The following SLC4A10 variants were observed in gnomAD, a reference collection of about 807,000 sequenced individuals.
SLC4A10 encodes sodium-driven chloride bicarbonate exchanger.
Under a neutral mutation model 137.7 loss-of-function variants are expected in SLC4A10, and 42 were observed. The observed-to-expected ratio is 0.30, with a 90% CI of 0.24 to 0.39. The LOEUF is 0.39. Ranked by LOEUF, SLC4A10 falls within the 10% of genes least tolerant of loss-of-function variation. SLC4A10 has a pLI of 1.00. For missense variants in SLC4A10, 925 were observed against 1,355.0 expected (o/e 0.68, Z 4.98); for synonymous variants, 474 against 464.1 (o/e 1.02, Z -0.27).
At chr2:161,696,247 C>CT (rs1167808019) in intron 1 of SLC4A10, among the ~76,000 whole-genome samples, 1 of 151,514 alleles carries the variant, frequency 6.6e-6, no homozygotes, top group Non-Finnish European at 1.5e-5. Context: ...AGAACTCATC[C>CT]TTTTTTATGG....
At chr2:161,803,169 T>G (rs922730143) in intron 2 of SLC4A10, among the ~76,000 whole-genome samples, 31 of 152,278 alleles carry the variant, frequency 2.0e-4, no homozygotes, top group African/African-American at 7.2e-4. Context: ...CTCATAAATT[T>G]TTCTGTAGCT....
chr2:161,753,855 G>GTTGT (rs1553525342), intron 1 of SLC4A10, among the ~76,000 whole-genome samples: 1 of 134,750 alleles, frequency 7.4e-6, no homozygotes, highest in African/African-American at 2.8e-5. Context: ...AATAACTCGA[G>GTTGT]TTATTTATTT....
At chr2:161,955,741 C>A (rs1695545396) in intron 19 of SLC4A10, among the ~76,000 whole-genome samples, 1 of 152,198 alleles carries the variant, frequency 6.6e-6, no homozygotes, top group South Asian at 2.1e-4. Flanking sequence ...GTGTTTCACA[C>A]TCCAGGCTAT....
chr2:161,901,338 T>C (rs370185359), intron 12 of SLC4A10, among the ~76,000 whole-genome samples: 11 of 152,276 alleles, frequency 7.2e-5, no homozygotes, highest in African/African-American at 2.4e-4. Context: ...AAGTTGAAGA[T>C]AGAAATAAAA....
At chr2:161,695,464 A>T (rs189984546) in intron 1 of SLC4A10, among the ~76,000 whole-genome samples, 12 of 152,218 alleles carry the variant, frequency 7.9e-5, no homozygotes, top group African/African-American at 1.2e-4. Flanking sequence ...GATTTTAGAG[A>T]TAAATTCTCC....
chr2:161,947,067 A>G (rs1693948523), intron 16 of SLC4A10, among the ~76,000 whole-genome samples: 1 of 152,132 alleles, frequency 6.6e-6, no homozygotes, highest in Non-Finnish European at 1.5e-5. Flanking sequence ...GCCACCCACC[A>G]GTGGTGAGGC....
chr2:161,625,491 A>G (rs2032147931), intron 1 of SLC4A10, among the ~76,000 whole-genome samples: 1 of 152,112 alleles, frequency 6.6e-6, no homozygotes, highest in Admixed American at 6.6e-5. Context: ...GTGCTACCAC[A>G]GCAGAAATCC....
chr2:161,650,104 A>G (rs951439790), intron 1 of SLC4A10, among the ~76,000 whole-genome samples: 6 of 152,198 alleles, frequency 3.9e-5, no homozygotes, highest in African/African-American at 1.4e-4. Flanking sequence ...CAAGAATACA[A>G]CATTGAACTT....
chr2:161,643,788 A>G (rs953800289), intron 1 of SLC4A10, among the ~76,000 whole-genome samples: 3 of 152,172 alleles, frequency 2.0e-5, no homozygotes, highest in Admixed American at 1.3e-4. Context: ...GTCATTTAAG[A>G]AAAACTTCTA....
At chr2:161,626,570 T>C (rs2032413015) in intron 1 of SLC4A10, among the ~76,000 whole-genome samples, 2 of 152,184 alleles carry the variant, frequency 1.3e-5, no homozygotes, top group Non-Finnish European at 2.9e-5. Flanking sequence ...GGATGCTGAA[T>C]TACTGGTCCA....
chr2:161,646,678 T>C (rs983795212), intron 1 of SLC4A10, among the ~76,000 whole-genome samples: 1 of 151,996 alleles, frequency 6.6e-6, no homozygotes, highest in African/African-American at 2.4e-5. Context: ...TAAGTAAATA[T>C]ATATTTTGTA....
chr2:161,704,901 A>T (rs1340826725), intron 1 of SLC4A10, among the ~76,000 whole-genome samples: 8 of 151,642 alleles, frequency 5.3e-5, no homozygotes, highest in Non-Finnish European at 1.0e-4. Context: ...CAGACAGGAA[A>T]TACTAAGATG....
chr2:161,736,184 T>C (rs961999836), intron 1 of SLC4A10, among the ~76,000 whole-genome samples: 1 of 152,100 alleles, frequency 6.6e-6, no homozygotes, highest in Non-Finnish European at 1.5e-5. Context: ...TTTATTGCCC[T>C]AAGTAATTGA....
At chr2:161,626,284 T>A (rs772342395) in intron 1 of SLC4A10, among the ~76,000 whole-genome samples, 5 of 151,946 alleles carry the variant, frequency 3.3e-5, no homozygotes, top group Admixed American at 6.6e-5. Flanking sequence ...AGTTAAAGGG[T>A]TTAGGACCAA....
chr2:161,829,149 C>T (rs1423383339), intron 3 of SLC4A10, among the ~76,000 whole-genome samples: 1 of 152,004 alleles, frequency 6.6e-6, no homozygotes, highest in East Asian at 1.9e-4. Flanking sequence ...TTTGTTTTTA[C>T]ACCTCTTTAC....
intron 21 of SLC4A10, among the ~76,000 whole-genome samples, chr2:161,958,790 T>C (rs1006920921): frequency 6.6e-6 from 1 of 152,232 alleles, no homozygotes; most frequent in Non-Finnish European, 1.5e-5. Flanking sequence ...TGTAAGAGGC[T>C]TAGATTTTAC....
chr2:161,756,115 T>C (rs993513746), intron 1 of SLC4A10, among the ~76,000 whole-genome samples: 1 of 152,136 alleles, frequency 6.6e-6, no homozygotes, highest in Non-Finnish European at 1.5e-5. Context: ...TGCTGTACCA[T>C]TTGATTGAAT....
At chr2:161,836,050 G>A (rs1261322676) in intron 3 of SLC4A10, among the ~76,000 whole-genome samples, 1 of 152,224 alleles carries the variant, frequency 6.6e-6, no homozygotes, top group Admixed American at 6.5e-5. Flanking sequence ...ATTTATCCGT[G>A]ACTGATGGCG....
chr2:161,775,317 A>G (rs1240520370), intron 2 of SLC4A10, among the ~76,000 whole-genome samples: 1 of 151,796 alleles, frequency 6.6e-6, no homozygotes, highest in African/African-American at 2.4e-5. Context: ...CCCAATTACT[A>G]TCAAAAAGGA....
Sources: gnomAD v4.1 joint callset for allele counts (sites outside exome capture counted in the v4.1 genomes callset) on GRCh38, gnomAD v4.1.1 for gene constraint, MANE v1.5 for transcripts, NCBI Gene and HGNC (gene_info 2026-07-23, HGNC 2026-07-21) for gene names.